Variants in ITFG1 observed in about 807,000 individuals in gnomAD.
The protein encoded by ITFG1 is T-cell immunomodulatory protein.
ITFG1 carries 34 observed loss-of-function variants against 81.8 expected under a neutral mutation model. That is an observed-to-expected ratio of 0.42 (90% CI 0.32 to 0.55). The LOEUF (loss-of-function observed/expected upper bound fraction) is 0.55. Ranked by LOEUF, ITFG1 falls within the 20% of genes least tolerant of loss-of-function variation. ITFG1 has a pLI of 0.17. For missense variants in ITFG1, 672 were observed against 755.4 expected, an observed-to-expected ratio of 0.89 and a Z score of 1.29; for synonymous variants, 285 against 270.6, an observed-to-expected ratio of 1.05 and a Z score of -0.52.
chr16:47,331,371 G>T (rs527705330), intron 8 of ITFG1, among the ~76,000 whole-genome samples: 1 of 152,108 alleles, frequency 6.6e-6, no homozygotes, highest in East Asian at 1.9e-4. Context: ...CTTCCTATGG[G>T]GTACTGTGTT....
chr16:47,335,257 T>C (rs2151575348), intron 8 of ITFG1, among the ~76,000 whole-genome samples: 1 of 152,224 alleles, frequency 6.6e-6, no homozygotes, highest in Non-Finnish European at 1.5e-5. Context: ...CTAGGGAGGC[T>C]GAGGCAGGAG....
intron 2 of ITFG1, among the ~76,000 whole-genome samples, chr16:47,455,641 CATCTCTA>C (rs1178443550): frequency 6.6e-6 from 1 of 151,326 alleles, no homozygotes. Flanking sequence ...TGGTGGCGTG[CATCTCTA>C]ATCCCAGCTA....
chr16:47,329,257 T>C (rs1299942084), intron 8 of ITFG1, among the ~76,000 whole-genome samples: 1 of 152,128 alleles, frequency 6.6e-6, no homozygotes, highest in Non-Finnish European at 1.5e-5. Context: ...GAAGTCATGC[T>C]TGGGGGCAGC....
chr16:47,239,954 C>T (rs1417291086), intron 12 of ITFG1, among the ~76,000 whole-genome samples: 1 of 151,890 alleles, frequency 6.6e-6, no homozygotes, highest in Non-Finnish European at 1.5e-5. Flanking sequence ...AGGGTCTCAC[C>T]CAACATATTT....
At chr16:47,422,392 C>T (rs1968962255) in intron 6 of ITFG1, among the ~76,000 whole-genome samples, 1 of 152,126 alleles carries the variant, frequency 6.6e-6, no homozygotes, top group Non-Finnish European at 1.5e-5. Flanking sequence ...AGATGGTTTG[C>T]CAGTATTTTA....
chr16:47,326,165 C>T (rs1967537393), intron 8 of ITFG1, among the ~76,000 whole-genome samples: 1 of 152,170 alleles, frequency 6.6e-6, no homozygotes, highest in African/African-American at 2.4e-5. Flanking sequence ...AAGTCTGGTT[C>T]AACATACGAA....
intron 6 of ITFG1, among the ~76,000 whole-genome samples, chr16:47,383,629 G>A (rs2151593178): frequency 6.6e-6 from 1 of 152,366 alleles, no homozygotes; most frequent in Non-Finnish European, 1.5e-5. Flanking sequence ...GACTGGGCCG[G>A]GCATGGTGGC....
intron 6 of ITFG1, among the ~76,000 whole-genome samples, chr16:47,406,762 T>A (rs1325192970): frequency 6.6e-6 from 1 of 150,916 alleles, no homozygotes; most frequent in Non-Finnish European, 1.5e-5. Context: ...CAAAGGAGAG[T>A]GTTTGAAAGT....
At chr16:47,319,441 A>G (rs1967415146) in intron 8 of ITFG1, among the ~76,000 whole-genome samples, 1 of 152,214 alleles carries the variant, frequency 6.6e-6, no homozygotes, top group Non-Finnish European at 1.5e-5. Flanking sequence ...TGTTCTTTCA[A>G]GTAAGAAATG....
rs1281215560 is a variant in ITFG1, at chr16:47,399,570, C to T, written c.656-23630G>A. ...CCTGGGCAAGAGAGCGAGACTCCGT[C>T]TCAAAAAAAAAAAAAAAGTTCAGAG... On this transcript the variant is annotated intron_variant, in intron 6 of 17. Transcript: ENST00000320640. Among the ~76,000 whole-genome samples, 3 of 147,150 alleles carry T rather than the reference C, an allele frequency of 2.0e-5. No individual in the cohort carries two copies. In the South Asian group the frequency reaches 6.4e-4, roughly 31 times the overall value.
chr16:47,331,180 C>T lies in ITFG1; in HGVS notation c.803-17357G>A, dbSNP rs576445721. Reference sequence around the variant, plus strand: ...GTCCTCTGCAGCAGCGTAAATGCAGCTGGAGGCCATTATCCTAAGTGAATT... The same window carrying T: ...GTCCTCTGCAGCAGCGTAAATGCAGTTGGAGGCCATTATCCTAAGTGAATT... On this transcript the variant is annotated intron_variant, in intron 8 of 17. Transcript: ENST00000320640. 1.8e-3 allele frequency among the ~76,000 whole-genome samples: 269 copies of T among 152,226 alleles called. 11 individuals carry two copies. The South Asian group carries it at 0.028, about 16-fold the overall frequency.
At chr16:47,183,097 G>A (rs1191204799) in intron 14 of ITFG1, among the ~76,000 whole-genome samples, 1 of 152,186 alleles carries the variant, frequency 6.6e-6, no homozygotes, top group Non-Finnish European at 1.5e-5. Context: ...ATTATATCCC[G>A]CATCTGGCTC....
At chr16:47,240,879 G>C (rs1483630946) in intron 12 of ITFG1, among the ~76,000 whole-genome samples, 3 of 152,010 alleles carry the variant, frequency 2.0e-5, no homozygotes, top group African/African-American at 7.2e-5. Flanking sequence ...TGGGGAGTAG[G>C]GGAAAGGGAA....
chr16:47,197,138 G>A (rs1395875548), intron 14 of ITFG1, among the ~76,000 whole-genome samples: 1 of 152,170 alleles, frequency 6.6e-6, no homozygotes, highest in African/African-American at 2.4e-5. Flanking sequence ...ATGCAAAGCT[G>A]TCTTTTGTGG....
At chr16:47,313,340 G>A (rs915462037) in intron 9 of ITFG1, among the ~76,000 whole-genome samples, 1 of 151,978 alleles carries the variant, frequency 6.6e-6, no homozygotes, top group Non-Finnish European at 1.5e-5. Flanking sequence ...ACAAGCTACA[G>A]GTAAAAGTCA....
intron 6 of ITFG1, among the ~76,000 whole-genome samples, chr16:47,417,931 T>C (rs1968894207): frequency 6.6e-6 from 1 of 152,214 alleles, no homozygotes; most frequent in Non-Finnish European, 1.5e-5. Flanking sequence ...AGTTCCATTT[T>C]TAGTTTTTGT....
chr16:47,385,082 C>T (rs2151593704), intron 6 of ITFG1, among the ~76,000 whole-genome samples: 1 of 152,326 alleles, frequency 6.6e-6, no homozygotes, highest in South Asian at 2.1e-4. Context: ...GTGACATTTG[C>T]ACTGGTCAGA....
intron 6 of ITFG1, among the ~76,000 whole-genome samples, chr16:47,402,051 G>T (rs1329088852): frequency 6.6e-6 from 1 of 152,054 alleles, no homozygotes; most frequent in Non-Finnish European, 1.5e-5. Context: ...AACTCCACAG[G>T]GCAGAGACGT....
intron 6 of ITFG1, among the ~76,000 whole-genome samples, chr16:47,380,729 G>A (rs1968386119): frequency 6.6e-6 from 1 of 152,090 alleles, no homozygotes; most frequent in South Asian, 2.1e-4. Flanking sequence ...TCATTTACAG[G>A]AACCATATAT....
Sources: allele counts gnomAD v4.1 joint callset (sites outside exome capture counted in the v4.1 genomes callset), GRCh38; gene constraint gnomAD v4.1.1; transcripts MANE v1.5; gene names NCBI Gene and HGNC (gene_info 2026-07-23, HGNC 2026-07-21).